The following GABRG3 variants were observed in gnomAD, a reference collection of about 807,000 sequenced individuals.
The protein encoded by GABRG3 is gamma-aminobutyric acid receptor subunit gamma-3.
GABRG3 carries 25 observed loss-of-function variants against 48.8 expected under a neutral mutation model. The ratio of observed to expected loss-of-function variants is 0.51; its 90% CI spans 0.37 to 0.72. The LOEUF is 0.72. Ranked by LOEUF, GABRG3 falls within the 30% of genes least tolerant of loss-of-function variation. The probability of loss-of-function intolerance (pLI) is 0.00; values close to 1 mark genes in which losing one functional copy is unlikely to be tolerated. For missense variants in GABRG3, 394 were observed against 577.9 expected (o/e 0.68, Z 3.26); for synonymous variants, 227 against 217.6 (o/e 1.04, Z -0.38).
intron 3 of GABRG3, among the ~76,000 whole-genome samples, chr15:27,084,750 T>C (rs1372899591): frequency 6.6e-6 from 1 of 152,224 alleles, no homozygotes. Context: ...TAGTTTTACC[T>C]GGATTCAGCA....
At chr15:27,471,681 C>T (rs1417021729) in intron 5 of GABRG3, among the ~76,000 whole-genome samples, 1 of 152,168 alleles carries the variant, frequency 6.6e-6, no homozygotes, top group Non-Finnish European at 1.5e-5. Context: ...AATTTATTCT[C>T]ATATGTGATA....
At chr15:26,984,967 C>T (rs74006547) in intron 2 of GABRG3, among the ~76,000 whole-genome samples, 4 of 152,272 alleles carry the variant, frequency 2.6e-5, no homozygotes, top group South Asian at 2.1e-4. Flanking sequence ...TTGTCTTGGC[C>T]GTATCAATGG....
intron 3 of GABRG3, among the ~76,000 whole-genome samples, chr15:27,215,388 C>T (rs1889214780): frequency 6.6e-6 from 1 of 152,176 alleles, no homozygotes; most frequent in Non-Finnish European, 1.5e-5. Context: ...AGTGCATTTC[C>T]TAAGGGCCAG....
intron 5 of GABRG3, among the ~76,000 whole-genome samples, chr15:27,415,802 G>A (rs1356983430): frequency 6.6e-6 from 1 of 152,194 alleles, no homozygotes; most frequent in African/African-American, 2.4e-5. Flanking sequence ...TAAGCTGGAA[G>A]TGGGGCCATG....
intron 1 of GABRG3, 150 bp downstream of exon 1, chr15:26,971,738 T>A (rs778133903): frequency 1.1e-4 from 93 of 817,762 alleles, no homozygotes; most frequent in Non-Finnish European, 1.5e-4. Context: ...GGTCTGCACC[T>A]CACCTGTCCC....
At position 27,306,705 on chromosome 15, in the gene GABRG3, CAT is replaced by C. The variant is rs1183983766; in HGVS notation, c.271-20100_271-20099del. Among the ~76,000 whole-genome samples the C allele has an allele frequency of 4.0e-3, 469 of 117,554 alleles. 13 individuals carry two copies. The highest frequency in any genetic ancestry group is 0.015 in the African/African-American group (419 of 27,738). The allele number at this position is 117,554 out of a possible 152,430, so 77.1% of individuals were successfully genotyped here. A position where few individuals can be genotyped will look rare whatever the true frequency, so the allele number is the denominator to read the frequency against. On this transcript the variant is annotated intron_variant, in intron 3 of 9. Coordinates refer to ENST00000615808, the MANE Select transcript of GABRG3 (RefSeq NM_033223.5). ...ATATATGAACATGTTTATATATAAA[CAT>C]ATACAATATAAACATGTTTATATAT...
chr15:27,028,805 CAAAA>C (rs35610809), intron 3 of GABRG3, among the ~76,000 whole-genome samples: 1,328 of 102,518 alleles, frequency 0.013, 16 homozygotes, highest in African/African-American at 0.038. Flanking sequence ...GACTTCATCT[CAAAA>C]AAAAAAAAAA....
chr15:27,279,227 T>G (rs144092375), intron 3 of GABRG3, among the ~76,000 whole-genome samples: 1 of 152,322 alleles, frequency 6.6e-6, no homozygotes, highest in East Asian at 1.9e-4. Context: ...CTTTTCTTCC[T>G]CTTAACAGGG....
chr15:27,191,744 A>G (rs1455579736), intron 3 of GABRG3, among the ~76,000 whole-genome samples: 2 of 151,394 alleles, frequency 1.3e-5, no homozygotes, highest in South Asian at 2.1e-4. Flanking sequence ...TAATATTGTT[A>G]TGTATGAATT....
At chr15:27,026,981 A>T (rs1421151664) in intron 3 of GABRG3, 160 bp downstream of exon 3, 12 of 509,102 alleles carry the variant, frequency 2.4e-5, no homozygotes, top group Admixed American at 1.5e-4. Flanking sequence ...GGTAAAAAAA[A>T]AAATGAAGAA....
At chr15:27,248,767 A>AACACACACACACACACACACAC (rs150140195) in intron 3 of GABRG3, among the ~76,000 whole-genome samples, 3 of 117,086 alleles carry the variant, frequency 2.6e-5, no homozygotes, top group African/African-American at 1.1e-4. Flanking sequence ...TGAGAAGGAA[A>AACACACACACACACACACACAC]ACACACACAC....
At position 26,976,939 on chromosome 15, in the gene GABRG3, C is replaced by T. The variant is rs1894960419; in HGVS notation, c.54-63C>T. 1 of 1,582,022 alleles carries T rather than the reference C, an allele frequency of 6.3e-7. No individual in the cohort carries two copies. On this transcript the variant is annotated intron_variant, in intron 1 of 9. Coordinates refer to ENST00000615808, the MANE Select transcript of GABRG3 (RefSeq NM_033223.5). This position sits in a 1 kb window ranked among gnomAD's most constrained non-coding sequence, Gnocchi z 7.8. ...TTTCATGGTACTTGGATAGGACAAACTTAGGCTCTTCCTAGAGCCATTGCT... is the reference window on the plus strand; with the variant it reads ...TTTCATGGTACTTGGATAGGACAAATTTAGGCTCTTCCTAGAGCCATTGCT...
intron 3 of GABRG3, among the ~76,000 whole-genome samples, chr15:27,080,179 G>C (rs1896969329): frequency 1.3e-5 from 2 of 152,140 alleles, no homozygotes; most frequent in South Asian, 4.1e-4. Context: ...AGTCAGGCAT[G>C]GTGGCATGCA....
At chr15:27,282,946 G>T (rs577841197) in intron 3 of GABRG3, among the ~76,000 whole-genome samples, 1 of 152,122 alleles carries the variant, frequency 6.6e-6, no homozygotes, top group African/African-American at 2.4e-5. Flanking sequence ...GGTGGAGACG[G>T]TTCAGGCTAC....
intron 3 of GABRG3, among the ~76,000 whole-genome samples, chr15:27,078,895 G>C (rs547683386): frequency 7.2e-5 from 11 of 152,300 alleles, no homozygotes; most frequent in Non-Finnish European, 1.5e-4. Flanking sequence ...TACTTAAGAT[G>C]AGGTCACACA....
intron 3 of GABRG3, among the ~76,000 whole-genome samples, chr15:27,092,768 G>A (rs1050371977): frequency 9.2e-5 from 14 of 152,086 alleles, no homozygotes; most frequent in African/African-American, 2.7e-4. Context: ...TGACTTGCTC[G>A]GTGTCTTTGT....
intron 2 of GABRG3, among the ~76,000 whole-genome samples, chr15:27,025,815 G>C (rs559426718): frequency 6.6e-6 from 1 of 152,180 alleles, no homozygotes; most frequent in Non-Finnish European, 1.5e-5. Context: ...CTGTTTCATG[G>C]GGAAAGGTTC....
chr15:27,063,956 C>G (rs73369628), intron 3 of GABRG3, among the ~76,000 whole-genome samples: 1,625 of 152,300 alleles, frequency 0.011, 32 homozygotes, highest in African/African-American at 0.037. Flanking sequence ...GACATGAAAC[C>G]CACACAGTCC....
At chr15:27,226,461 G>T (rs1889620319) in intron 3 of GABRG3, among the ~76,000 whole-genome samples, 1 of 152,156 alleles carries the variant, frequency 6.6e-6, no homozygotes, top group South Asian at 2.1e-4. Context: ...GAGACGACGT[G>T]GCCCATGCTG....
Sources: gnomAD v4.1 joint callset for allele counts (sites outside exome capture counted in the v4.1 genomes callset) on GRCh38, gnomAD v4.1.1 for gene constraint, Gnocchi (gnomAD v3.1) non-coding constraint, MANE v1.5 for transcripts, NCBI Gene and HGNC (gene_info 2026-07-23, HGNC 2026-07-21) for gene names.